SMARCA2: variants seen among roughly 807,000 people sequenced by gnomAD.
SMARCA2 encodes the protein SWI/SNF related BAF chromatin remodeling complex subunit ATPase 2.
A neutral mutation model predicts 199.8 loss-of-function variants in SMARCA2; 61 were observed. The observed-to-expected ratio is 0.31, with a 90% CI of 0.25 to 0.38. The LOEUF (loss-of-function observed/expected upper bound fraction) is 0.38. Ranked by LOEUF, SMARCA2 falls within the 10% of genes least tolerant of loss-of-function variation. SMARCA2 has a pLI of 1.00. For missense variants in SMARCA2, 1,344 were observed against 2,012.2 expected (o/e 0.67, Z 6.35); for synonymous variants, 935 against 732.0 (o/e 1.28, Z -4.48).
At chr9:2,171,364 G>T (rs1452454210) in intron 29 of SMARCA2, among the ~76,000 whole-genome samples, 1 of 152,194 alleles carries the variant, frequency 6.6e-6, no homozygotes, top group Non-Finnish European at 1.5e-5. Flanking sequence ...ACTGGAGAGA[G>T]AGAATTGAGG....
chr9:2,055,524 A>C (rs1023907279), intron 6 of SMARCA2: 1 of 152,252 alleles, frequency 6.6e-6, no homozygotes, highest in African/African-American at 2.4e-5. Flanking sequence ...GGAACATGCG[A>C]AATGAATAAT....
chr9:2,037,882 T>C (rs1434722826), intron 3 of SMARCA2, among the ~76,000 whole-genome samples: 2 of 152,248 alleles, frequency 1.3e-5, no homozygotes, highest in Non-Finnish European at 2.9e-5. Context: ...TTCCTTCATC[T>C]TGGAGCTCCC....
At chr9:2,068,551 CAGTTG>C (rs1489593768) in intron 9 of SMARCA2, among the ~76,000 whole-genome samples, 1 of 152,132 alleles carries the variant, frequency 6.6e-6, no homozygotes, top group Non-Finnish European at 1.5e-5. Context: ...TGTCAAAAGA[CAGTTG>C]AGTTATTTTC....
At chr9:2,181,918 T>C (rs150703611) in intron 30 of SMARCA2, among the ~76,000 whole-genome samples, 166 of 152,298 alleles carry the variant, frequency 1.1e-3, no homozygotes, top group African/African-American at 3.8e-3. Context: ...ATTATTGCTC[T>C]TCTCATTTCC....
At chr9:2,149,647 A>G (rs1013789024) in intron 27 of SMARCA2, among the ~76,000 whole-genome samples, 5 of 151,664 alleles carry the variant, frequency 3.3e-5, no homozygotes, top group Non-Finnish European at 7.4e-5. Context: ...GGTCCTTCGC[A>G]CAACATGTGG....
chr9:2,153,812 G>A (rs944674838), intron 27 of SMARCA2, among the ~76,000 whole-genome samples: 7 of 132,978 alleles, frequency 5.3e-5, no homozygotes, highest in African/African-American at 2.4e-4. Flanking sequence ...ATGCAAAGCT[G>A]TGTGTGTGTG....
At chr9:2,036,478 A>C (rs564865345) in intron 3 of SMARCA2, among the ~76,000 whole-genome samples, 1 of 152,222 alleles carries the variant, frequency 6.6e-6, no homozygotes, top group African/African-American at 2.4e-5. Context: ...CTGTTTTCTC[A>C]ACTAAAGATA....
chr9:2,036,819 T>G (rs1423390900), intron 3 of SMARCA2, among the ~76,000 whole-genome samples: 3 of 152,216 alleles, frequency 2.0e-5, no homozygotes, highest in African/African-American at 7.2e-5. Context: ...TTATGTTTAA[T>G]GTAACTGTCT....
At chr9:2,044,369 G>A (rs1405219631) in intron 4 of SMARCA2, 1 of 152,200 alleles carries the variant, frequency 6.6e-6, no homozygotes, top group Non-Finnish European at 1.5e-5. Context: ...CTGTGCTGAG[G>A]AGTTGTGTTA....
intron 3 of SMARCA2, among the ~76,000 whole-genome samples, chr9:2,036,656 T>C (rs1342781727): frequency 6.6e-6 from 1 of 152,200 alleles, no homozygotes; most frequent in East Asian, 1.9e-4. Flanking sequence ...CTCACTTTCA[T>C]TTTCTTCTGA....
intron 27 of SMARCA2, among the ~76,000 whole-genome samples, chr9:2,144,466 G>C (rs1370889717): frequency 8.5e-5 from 13 of 152,124 alleles, no homozygotes; most frequent in Admixed American, 8.5e-4. Flanking sequence ...ACCAGTCTTT[G>C]GGGTATCACT....
chr9:2,115,048 TAAAA>T lies in SMARCA2; in HGVS notation c.3457-768_3457-765del, dbSNP rs532678520. Reference sequence around the variant, plus strand: ...CAGTATTGTTGAATGTTTCTTTTTTTAAAAAAAAAGCCATTAGAGAGAGTAAATT... The same window carrying T: ...CAGTATTGTTGAATGTTTCTTTTTTTAAAAAGCCATTAGAGAGAGTAAATT... On this transcript the variant is annotated intron_variant, in intron 24 of 33. Transcript: ENST00000349721. This position sits in a 1 kb window ranked among gnomAD's most constrained non-coding sequence, Gnocchi z 6.0. Among the ~76,000 whole-genome samples, 1 of 151,158 alleles carries T rather than the reference TAAAA, an allele frequency of 6.6e-6. No homozygotes were observed. The highest frequency in any genetic ancestry group is 1.5e-5 in the Non-Finnish European group (1 of 67,802).
chr9:2,182,346 C>A, intron 31 of SMARCA2, 104 bp downstream of exon 31: 2 of 713,960 alleles, frequency 2.8e-6, no homozygotes, highest in Non-Finnish European at 4.8e-6. Flanking sequence ...TTGCTACTGG[C>A]AGAAGAAAAA....
intron 15 of SMARCA2, 120 bp downstream of exon 15, chr9:2,082,115 T>C (rs978697195): frequency 4.3e-5 from 35 of 807,086 alleles, no homozygotes; most frequent in South Asian, 3.9e-5. Flanking sequence ...TAAATCCAGA[T>C]TACCAAGAGC....
intron 27 of SMARCA2, among the ~76,000 whole-genome samples, chr9:2,155,346 A>G (rs1825296988): frequency 1.3e-5 from 2 of 151,942 alleles, no homozygotes; most frequent in Admixed American, 1.3e-4. Flanking sequence ...GCAGTGGGGC[A>G]ATCTCGGCTC....
In SMARCA2 at chr9:2,156,414, C is replaced by CTTTTTTTT. The variant is rs57161267; in HGVS notation, c.3982-5247_3982-5240dup. 9.8e-4 allele frequency among the ~76,000 whole-genome samples: 68 copies of CTTTTTTTT among 69,156 alleles called. 2 individuals are homozygous for CTTTTTTTT. Among genetic ancestry groups the CTTTTTTTT allele is most frequent in the African/African-American group, 2.7e-3 (39 of 14,330 alleles). The allele number at this position is 69,156 out of a possible 152,430, so 45.4% of individuals were successfully genotyped here. A position where few individuals can be genotyped will look rare whatever the true frequency, so the allele number is the denominator to read the frequency against. On this transcript the variant is annotated intron_variant, in intron 27 of 33. Transcript: ENST00000349721. ...ATACCATAAAGTTTACCATTTTAGA[C>CTTTTTTTT]TTTTTTTTTTTTTTTTTTTTTTTTT...
chr9:2,190,288 C>G (rs1827786766), intron 32 of SMARCA2, among the ~76,000 whole-genome samples: 1 of 151,924 alleles, frequency 6.6e-6, no homozygotes, highest in South Asian at 2.1e-4. Context: ...ATACCTCCCT[C>G]AAATTCTACC....
chr9:2,176,192 T>TG (rs1826588677), intron 29 of SMARCA2, among the ~76,000 whole-genome samples: 1 of 150,306 alleles, frequency 6.7e-6, no homozygotes, highest in African/African-American at 2.5e-5. Flanking sequence ...GTTTTTTTTT[T>TG]TTTTTTTTTT....
At chr9:2,085,217 G>A (rs1563758290) in intron 17 of SMARCA2, among the ~76,000 whole-genome samples, 1 of 152,254 alleles carries the variant, frequency 6.6e-6, no homozygotes, top group South Asian at 2.1e-4. Context: ...GATGAATTTG[G>A]CAGTGTCAAA....
Sources: allele counts gnomAD v4.1 joint callset (sites outside exome capture counted in the v4.1 genomes callset), GRCh38; gene constraint gnomAD v4.1.1; non-coding constraint Gnocchi (gnomAD v3.1); transcripts MANE v1.5; gene names NCBI Gene and HGNC (gene_info 2026-07-23, HGNC 2026-07-21).